The following RB1CC1 variants were observed in gnomAD, a reference collection of about 807,000 sequenced individuals.
RB1CC1 encodes RB1-inducible coiled-coil protein 1.
A neutral mutation model predicts 177.5 loss-of-function variants in RB1CC1; 46 were observed. The ratio of observed to expected loss-of-function variants is 0.26; its 90% CI spans 0.20 to 0.33. The LOEUF is 0.33. RB1CC1 is among the 10% of genes least tolerant of loss of function. RB1CC1 has a pLI of 1.00. For synonymous variants in RB1CC1, 666 were observed against 613.6 expected, an observed-to-expected ratio of 1.09 and a Z score of -1.26; for missense variants, 1,703 against 1,816.3, an observed-to-expected ratio of 0.94 and a Z score of 1.13.
At chr8:52,689,847 T>C (rs746401998) in intron 1 of RB1CC1, among the ~76,000 whole-genome samples, 1 of 151,986 alleles carries the variant, frequency 6.6e-6, no homozygotes, top group Non-Finnish European at 1.5e-5. Context: ...TCAAGAGAAC[T>C]GCTTGAACTG....
intron 1 of RB1CC1, among the ~76,000 whole-genome samples, chr8:52,713,278 C>T (rs1857207576): frequency 6.6e-6 from 1 of 152,126 alleles, no homozygotes; most frequent in Admixed American, 6.5e-5. Flanking sequence ...AAGGTATGAC[C>T]ACACTTTAAA....
Position 52,657,302 on chromosome 8 carries a change from C to T in RB1CC1, c.2527G>A (p.Glu843Lys). Residue 843 changes from glutamate to lysine, a missense_variant, in exon 15 of 24, where the codon GAA becomes AAA. Coordinates refer to ENST00000025008, the MANE Select transcript of RB1CC1 (RefSeq NM_014781.5). Reference protein sequence around the residue: ...FSNSLKCTAVEIRNIIEKVKC... With the variant: ...FSNSLKCTAVKIRNIIEKVKC... Reference sequence around the variant, plus strand: ...ACTTTTTCAATAATGTTTCTTATTTCTACTGCTGTACATTTTAATGAATTT... The same window carrying T: ...ACTTTTTCAATAATGTTTCTTATTTTTACTGCTGTACATTTTAATGAATTT... 1 of 1,609,728 alleles carries T rather than the reference C, an allele frequency of 6.2e-7. No homozygotes were observed. Among genetic ancestry groups the T allele is most frequent in the Non-Finnish European group, 8.5e-7 (1 of 1,176,296 alleles).
chr8:52,657,985 G>C lies in RB1CC1; in HGVS notation c.1920+13C>G, dbSNP rs1338469563. 6.2e-7 allele frequency: 1 copy of C among 1,613,570 alleles called. No individual in the cohort carries two copies. The highest frequency in any genetic ancestry group is 1.1e-5 in the South Asian group (1 of 90,948). On this transcript the variant is annotated intron_variant, in intron 14 of 23. Coordinates refer to ENST00000025008, the MANE Select transcript of RB1CC1 (RefSeq NM_014781.5). ...CACTAATGAAGAAAACTGTTTGAAAGAATTGAATTTGCCTTTTGTTCACTC... is the reference window on the plus strand; with the variant it reads ...CACTAATGAAGAAAACTGTTTGAAACAATTGAATTTGCCTTTTGTTCACTC...
chr8:52,624,644 G>C (rs1427426088), intron 23 of RB1CC1, 73 bp downstream of exon 23: 12 of 1,219,404 alleles, frequency 9.8e-6, no homozygotes, highest in Non-Finnish European at 1.4e-5. Context: ...CAGTGGTAAT[G>C]ATTTCTATAT....
chr8:52,640,638 T>C (rs1037537803), intron 18 of RB1CC1, among the ~76,000 whole-genome samples: 3 of 152,288 alleles, frequency 2.0e-5, no homozygotes, highest in African/African-American at 4.8e-5. Context: ...ATATGTAGAA[T>C]GAAGTTGGAT....
intron 8 of RB1CC1, among the ~76,000 whole-genome samples, chr8:52,666,504 G>A (rs1852079759): frequency 6.8e-6 from 1 of 147,372 alleles, no homozygotes; most frequent in African/African-American, 2.5e-5. Flanking sequence ...GGCTACAAGA[G>A]CGAAACTTCC....
At chr8:52,678,288 G>A (rs570685620) in intron 5 of RB1CC1, among the ~76,000 whole-genome samples, 7 of 152,154 alleles carry the variant, frequency 4.6e-5, no homozygotes, top group South Asian at 4.2e-4. Context: ...GTGGTGGCAC[G>A]TACCTGTAAT....
chr8:52,665,715 T>C (rs1180283202), intron 8 of RB1CC1, among the ~76,000 whole-genome samples: 2 of 152,026 alleles, frequency 1.3e-5, no homozygotes, highest in Non-Finnish European at 2.9e-5. Context: ...AGGAAAGCAG[T>C]GAAGAAGCCA....
At chr8:52,712,471 T>C (rs1465661430) in intron 1 of RB1CC1, among the ~76,000 whole-genome samples, 1 of 142,742 alleles carries the variant, frequency 7.0e-6, no homozygotes, top group East Asian at 2.0e-4. Context: ...CCATGCATCC[T>C]GATCTTGTGT....
intron 20 of RB1CC1, among the ~76,000 whole-genome samples, chr8:52,633,419 T>A (rs1056549984): frequency 6.6e-6 from 1 of 152,300 alleles, no homozygotes; most frequent in South Asian, 2.1e-4. Flanking sequence ...AAATAAAGCA[T>A]ACTACATAAA....
In RB1CC1 at chr8:52,658,121, A is replaced by T. The variant is rs757163482; in HGVS notation, c.1797T>A (p.Val599=). The T allele has an allele frequency of 6.2e-7, 1 of 1,609,876 alleles. No individual in the cohort carries two copies. The highest frequency in any genetic ancestry group is 2.2e-5 in the East Asian group (1 of 44,836). Residue 599 remains valine, a synonymous_variant, in exon 14 of 24, where the codon GTT becomes GTA. Transcript: ENST00000025008. ...GAGGTTCAAAGTCACAAAGTAAGGG[A>T]ACCCTGAAACAGAATGCAATGCAAT... The part of the protein sequence containing the change: ...CPSEVQPFLR[V]PLLCDFEPLH...
intron 8 of RB1CC1, among the ~76,000 whole-genome samples, chr8:52,662,620 G>T (rs997374542): frequency 2.0e-5 from 3 of 151,864 alleles, no homozygotes; most frequent in African/African-American, 7.2e-5. Flanking sequence ...ATCCTTCTAG[G>T]AACTTAACTT....
intron 1 of RB1CC1, among the ~76,000 whole-genome samples, chr8:52,689,789 G>T (rs1854647035): frequency 6.6e-6 from 1 of 152,056 alleles, no homozygotes; most frequent in African/African-American, 2.4e-5. Flanking sequence ...TGCCTGCTAT[G>T]ATCACCCCTT....
rs1466333560 is a variant in RB1CC1 at position 52,658,048 on chromosome 8, T to A, written c.1870A>T (p.Ser624Cys). 11 of 1,614,106 alleles carry A rather than the reference T, an allele frequency of 6.8e-6. No homozygotes were observed. Among genetic ancestry groups the A allele is most frequent in the Non-Finnish European group, 9.3e-6 (11 of 1,180,006 alleles). ...ATGGTCTGTGACATTTCATCCAAAC[T>A]TTGTGCTGCTTTTACCAAATTATGT... The part of the protein sequence containing the change: ...ALHNLVKAAQ[S>C]LDEMSQTITD... Residue 624 changes from serine (S) to cysteine (C), a missense_variant, in exon 14 of 24, where the codon AGT becomes TGT. Coordinates refer to ENST00000025008, the MANE Select transcript of RB1CC1 (RefSeq NM_014781.5).
chr8:52,663,704 C>G, intron 8 of RB1CC1, among the ~76,000 whole-genome samples: 1 of 152,090 alleles, frequency 6.6e-6, no homozygotes, highest in Non-Finnish European at 1.5e-5. Context: ...CCATTAGCAG[C>G]AACAAAAGTA....
rs1590904522 is a variant in RB1CC1 at position 52,627,948 on chromosome 8, G to A, written c.4636+84C>T. On this transcript the variant is annotated intron_variant, in intron 22 of 23. Coordinates refer to ENST00000025008, the MANE Select transcript of RB1CC1 (RefSeq NM_014781.5). ...TCCCTCTTAGTGACTTAATTCTTAT[G>A]TAATTAAACAGGGAAAAAAAAATCT... 6 of 1,232,832 alleles carry A rather than the reference G, an allele frequency of 4.9e-6. No individual in the cohort carries two copies. The East Asian group carries it at 1.6e-4, about 34-fold the overall frequency. The allele number at this position is 1,232,832 out of a possible 1,614,324, so 76.4% of individuals were successfully genotyped here.
chr8:52,631,372 G>A (rs919748270), intron 20 of RB1CC1, among the ~76,000 whole-genome samples: 2 of 152,178 alleles, frequency 1.3e-5, no homozygotes, highest in African/African-American at 2.4e-5. Context: ...GGAAGTCTGA[G>A]GTGGGAAGAT....
intron 5 of RB1CC1, among the ~76,000 whole-genome samples, chr8:52,679,106 AGAATAACAAATCTC>A (rs2150575602): frequency 6.6e-6 from 1 of 152,342 alleles, no homozygotes; most frequent in South Asian, 2.1e-4. Flanking sequence ...CCACTGTGAA[AGAATAACAAATCTC>A]GGGAACCCAA....
At position 52,636,041 on chromosome 8, in the gene RB1CC1, T is replaced by C. The variant is rs1387486899; in HGVS notation, c.4366A>G (p.Lys1456Glu). 6.2e-7 allele frequency: 1 copy of C among 1,607,562 alleles called. No homozygotes were observed. Among genetic ancestry groups the C allele is most frequent in the East Asian group, 2.2e-5 (1 of 44,618 alleles). ...QENIHMLSEE[K>E]QRIMLLERTL... ...CGTTCTAACAGCATTATCCGCTGTTTTTCTTCAGACAACATATGAATATTT... is the reference window on the plus strand; with the variant it reads ...CGTTCTAACAGCATTATCCGCTGTTCTTCTTCAGACAACATATGAATATTT... The change falls in exon 19 of 24, where the codon AAA becomes GAA. Residue 1456 changes from lysine (K) to glutamate (E), a missense_variant. Physicochemically the swap from Lys to Glu is moderately conservative, Grantham distance 56. Around this residue, in one of 6 missense-constraint regions of RB1CC1, gnomAD observed 1,169 missense variants for 1,184.7 expected, o/e 0.99. Coordinates refer to ENST00000025008, the MANE Select transcript of RB1CC1 (RefSeq NM_014781.5).
Sources: allele counts gnomAD v4.1 joint callset (sites outside exome capture counted in the v4.1 genomes callset), GRCh38; gene constraint gnomAD v4.1.1; regional missense constraint gnomAD v4.1.1; transcripts MANE v1.5; gene names NCBI Gene and HGNC (gene_info 2026-07-23, HGNC 2026-07-21).